The following LRP1B variants were observed in gnomAD, a reference collection of about 807,000 sequenced individuals.
LRP1B encodes low-density lipoprotein receptor-related protein 1B.
LRP1B carries 217 observed loss-of-function variants against 556.6 expected under a neutral mutation model. The observed-to-expected ratio is 0.39, with a 90% CI of 0.35 to 0.44. The LOEUF is 0.44. Ranked by LOEUF, LRP1B falls within the 20% of genes least tolerant of loss-of-function variation. The pLI is 1.00. For synonymous variants in LRP1B, 2,047 were observed against 1,865.8 expected (o/e 1.10, Z -2.50); for missense variants, 5,053 against 5,620.8 (o/e 0.90, Z 3.23).
intron 1 of LRP1B, among the ~76,000 whole-genome samples, chr2:141,874,485 T>C (rs1437312191): frequency 6.6e-6 from 1 of 151,948 alleles, no homozygotes; most frequent in Non-Finnish European, 1.5e-5. Context: ...CTAATTATGA[T>C]ATCAGCCATT....
chr2:141,714,926 A>C (rs1188424393), intron 2 of LRP1B, among the ~76,000 whole-genome samples: 3 of 152,206 alleles, frequency 2.0e-5, no homozygotes, highest in African/African-American at 4.8e-5. Context: ...TAGAAGCTCC[A>C]ACAAGCTTGA....
intron 27 of LRP1B, among the ~76,000 whole-genome samples, chr2:140,863,449 G>A (rs1223598085): frequency 6.6e-6 from 1 of 152,118 alleles, no homozygotes; most frequent in African/African-American, 2.4e-5. Flanking sequence ...CCCAATATGT[G>A]TTTTAATAAG....
At chr2:140,852,410 A>C (rs973359612) in intron 27 of LRP1B, among the ~76,000 whole-genome samples, 16 of 152,216 alleles carry the variant, frequency 1.1e-4, no homozygotes, top group Non-Finnish European at 2.1e-4. Context: ...TGAATTTAAT[A>C]TAAAATAAAC....
chr2:140,541,134 T>C, intron 44 of LRP1B, 36 bp from the exon 45 acceptor site: 1 of 1,545,498 alleles, frequency 6.5e-7, no homozygotes. Context: ...ACATTTTATA[T>C]CGAATTCCTG....
intron 2 of LRP1B, among the ~76,000 whole-genome samples, chr2:141,797,882 A>T (rs1187340574): frequency 6.6e-6 from 1 of 152,208 alleles, no homozygotes; most frequent in Non-Finnish European, 1.5e-5. Flanking sequence ...CTATAGGTAA[A>T]CATCAATATC....
intron 84 of LRP1B, among the ~76,000 whole-genome samples, chr2:140,284,268 G>A (rs1179079326): frequency 6.6e-6 from 1 of 151,020 alleles, no homozygotes; most frequent in African/African-American, 2.4e-5. Context: ...ATCAATACTA[G>A]ATTTTCATTA....
At chr2:141,285,644 C>G (rs1309938622) in intron 3 of LRP1B, among the ~76,000 whole-genome samples, 2 of 147,304 alleles carry the variant, frequency 1.4e-5, no homozygotes, top group Admixed American at 1.3e-4. Context: ...TTAGTAGAGA[C>G]GGGGATTCAC....
chr2:141,244,575 T>C (rs182588454), intron 5 of LRP1B, among the ~76,000 whole-genome samples: 10 of 152,294 alleles, frequency 6.6e-5, no homozygotes, highest in Admixed American at 6.5e-5. Context: ...TTGTCAGATA[T>C]AGCCACATTA....
rs10558342 is a variant in LRP1B, at chr2:140,972,943, GATATAT to G, written c.2887+9211_2887+9216del. Among the ~76,000 whole-genome samples, 15 of 145,576 alleles carry G rather than the reference GATATAT, an allele frequency of 1.0e-4. No homozygotes were observed. The East Asian group carries it at 2.4e-3, about 23-fold the overall frequency. On this transcript the variant is annotated intron_variant, in intron 18 of 90. Transcript: ENST00000389484. ...AAATTTTTTGCTGATGCAGCTTTTT[GATATAT>G]ATATATATATACATATAATACATAT...
intron 3 of LRP1B, among the ~76,000 whole-genome samples, chr2:141,343,520 T>C (rs897428092): frequency 6.6e-6 from 1 of 152,222 alleles, no homozygotes; most frequent in African/African-American, 2.4e-5. Context: ...TTTTGAGCTT[T>C]GTTTTGTGAA....
intron 23 of LRP1B, among the ~76,000 whole-genome samples, chr2:140,900,305 T>C (rs747260347): frequency 1.3e-5 from 2 of 152,248 alleles, no homozygotes; most frequent in Non-Finnish European, 2.9e-5. Context: ...TGGAGCCAAT[T>C]CTCATGTGAA....
At chr2:141,271,489 A>G (rs936718543) in intron 3 of LRP1B, among the ~76,000 whole-genome samples, 9 of 151,882 alleles carry the variant, frequency 5.9e-5, no homozygotes, top group Non-Finnish European at 1.3e-4. Context: ...GAAAGCAGAA[A>G]GAGAAAAAAA....
At chr2:140,766,998 C>T (rs72927817) in intron 35 of LRP1B, among the ~76,000 whole-genome samples, 1 of 151,082 alleles carries the variant, frequency 6.6e-6, no homozygotes, top group Non-Finnish European at 1.5e-5. Context: ...CTAAACATGC[C>T]CACACCCCAA....
intron 33 of LRP1B, 85 bp downstream of exon 33, chr2:140,776,013 C>CT: frequency 8.7e-7 from 1 of 1,151,210 alleles, no homozygotes. Flanking sequence ...GAATAGAAAC[C>CT]TTTTATTGTT....
At chr2:141,733,773 T>C (rs188030606) in intron 2 of LRP1B, among the ~76,000 whole-genome samples, 1 of 152,152 alleles carries the variant, frequency 6.6e-6, no homozygotes, top group Non-Finnish European at 1.5e-5. Flanking sequence ...TTCCTTCTTT[T>C]CTGCCTGCCT....
chr2:141,992,846 A>T (rs1462585474), intron 1 of LRP1B, among the ~76,000 whole-genome samples: 1 of 152,126 alleles, frequency 6.6e-6, no homozygotes, highest in Non-Finnish European at 1.5e-5. Context: ...TCTAAAGACT[A>T]TAAAGTTGTT....
At chr2:140,624,553 C>T (rs1683584913) in intron 41 of LRP1B, among the ~76,000 whole-genome samples, 1 of 152,066 alleles carries the variant, frequency 6.6e-6, no homozygotes, top group African/African-American at 2.4e-5. Context: ...GAGGAGTGTC[C>T]ACACCTGCTA....
At chr2:141,886,826 A>G (rs1373861241) in intron 1 of LRP1B, among the ~76,000 whole-genome samples, 1 of 152,032 alleles carries the variant, frequency 6.6e-6, no homozygotes, top group Middle Eastern at 3.2e-3. Context: ...GTTCAACTCG[A>G]TAGTGCTAAT....
At position 140,291,298 on chromosome 2, in the gene LRP1B, T is replaced by TTATATATATATATATATATATA. The variant is rs66596182; in HGVS notation, c.12967+6509_12967+6510insTATATATATATATATATATATA. Among the ~76,000 whole-genome samples, 207 of 71,862 alleles carry TTATATATATATATATATATATA rather than the reference T, an allele frequency of 2.9e-3. 8 individuals are homozygous for TTATATATATATATATATATATA. The highest frequency in any genetic ancestry group is 0.017 in the East Asian group (41 of 2,442). 47.1% of individuals were successfully genotyped at this position (71,862 alleles called of 152,430 possible). A position where few individuals can be genotyped will look rare whatever the true frequency, so the allele number is the denominator to read the frequency against. On this transcript the variant is annotated intron_variant, in intron 84 of 90. Coordinates refer to ENST00000389484, the MANE Select transcript of LRP1B (RefSeq NM_018557.3). The stretch of plus-strand genomic sequence containing the variant: ...AGATACCACTTCAAGAAATTTTATT[T>TTATATATATATATATATATATA]TATATATATATATATATATATTTTT...
Sources: allele counts gnomAD v4.1 joint callset (sites outside exome capture counted in the v4.1 genomes callset), GRCh38; gene constraint gnomAD v4.1.1; transcripts MANE v1.5; gene names NCBI Gene and HGNC (gene_info 2026-07-23, HGNC 2026-07-21).